LRRTM4: variants seen among roughly 807,000 people sequenced by gnomAD.
LRRTM4 encodes leucine-rich repeat transmembrane neuronal protein 4.
Under a neutral mutation model 47.6 loss-of-function variants are expected in LRRTM4, and 25 were observed. That is an observed-to-expected ratio of 0.53 (90% confidence interval 0.38 to 0.73). LRRTM4 has a LOEUF of 0.73. Ranked by LOEUF, LRRTM4 falls within the 30% of genes least tolerant of loss-of-function variation. The probability of loss-of-function intolerance (pLI) is 0.00; values close to 1 mark genes in which losing one functional copy is unlikely to be tolerated. For synonymous variants in LRRTM4, 311 were observed against 269.5 expected (o/e 1.15, Z -1.51); for missense variants, 638 against 713.4 (o/e 0.89, Z 1.20).
At chr2:76,759,287 T>G (rs938784061) in intron 3 of LRRTM4, among the ~76,000 whole-genome samples, 2 of 152,144 alleles carry the variant, frequency 1.3e-5, no homozygotes, top group Non-Finnish European at 2.9e-5. Flanking sequence ...ACTGCAGATT[T>G]CACTGTGAAG....
chr2:77,453,147 G>A (rs1028618891), intron 3 of LRRTM4, among the ~76,000 whole-genome samples: 1 of 138,086 alleles, frequency 7.2e-6, no homozygotes, highest in Non-Finnish European at 1.6e-5. Flanking sequence ...ATATTCCACT[G>A]TAATTTTGAT....
intron 3 of LRRTM4, among the ~76,000 whole-genome samples, chr2:76,936,177 T>C (rs889315878): frequency 1.3e-5 from 2 of 152,082 alleles, no homozygotes; most frequent in Non-Finnish European, 2.9e-5. Context: ...AGCAAAGACT[T>C]GGAACCAACC....
intron 3 of LRRTM4, among the ~76,000 whole-genome samples, chr2:77,456,930 A>C (rs1253060095): frequency 6.9e-6 from 1 of 145,776 alleles, no homozygotes; most frequent in East Asian, 2.0e-4. Context: ...ATCTATAATA[A>C]ACATAAATAT....
Position 77,357,794 on chromosome 2 carries a change from C to G in LRRTM4, c.1551+160524G>C, listed in dbSNP as rs543019369. Among the ~76,000 whole-genome samples the G allele has an allele frequency of 3.3e-5, 5 of 152,060 alleles. No individual in the cohort carries two copies. The South Asian group carries it at 1.0e-3, about 31-fold the overall frequency. On this transcript the variant is annotated intron_variant, in intron 3 of 3. Transcript: ENST00000409884. ...AGTGTAGCATTAGTGTGCACATACA[C>G]ATATATGCACACACAATGTTTTAAG...
At chr2:77,282,187 T>G (rs903973133) in intron 3 of LRRTM4, among the ~76,000 whole-genome samples, 1 of 151,882 alleles carries the variant, frequency 6.6e-6, no homozygotes, top group East Asian at 1.9e-4. Flanking sequence ...GGATACTTCA[T>G]TTTTTGGTGG....
At chr2:76,910,760 T>C (rs1440506764) in intron 3 of LRRTM4, among the ~76,000 whole-genome samples, 1 of 152,200 alleles carries the variant, frequency 6.6e-6, no homozygotes, top group Non-Finnish European at 1.5e-5. Context: ...TGGTGTGAAA[T>C]GTTAATTGAT....
chr2:77,014,503 C>CATATATATATATATGTGTATAT lies in LRRTM4; in HGVS notation c.1552-265588_1552-265587insATATACACATATATATATATAT, dbSNP rs773267853. On this transcript the variant is annotated intron_variant, in intron 3 of 3. Coordinates refer to ENST00000409884, the MANE Select transcript of LRRTM4 (RefSeq NM_001134745.3). ...TGCAGAAGAAGCATTTGTGCCCTTT[C>CATATATATATATATGTGTATAT]ATATATATATATATAAAGATTTTAT... Among the ~76,000 whole-genome samples the CATATATATATATATGTGTATAT allele has an allele frequency of 7.2e-5, 10 of 139,056 alleles. 1 individual carries two copies. Among genetic ancestry groups the CATATATATATATATGTGTATAT allele is most frequent in the African/African-American group, 2.2e-4 (9 of 40,164 alleles). 91.2% of individuals were successfully genotyped at this position (139,056 alleles called of 152,430 possible).
At chr2:76,926,725 T>G (rs1273150566) in intron 3 of LRRTM4, among the ~76,000 whole-genome samples, 1 of 152,120 alleles carries the variant, frequency 6.6e-6, no homozygotes, top group South Asian at 2.1e-4. Flanking sequence ...GAGATGATAC[T>G]ACCAGATGCC....
chr2:77,442,599 C>A (rs1421989364), intron 3 of LRRTM4, among the ~76,000 whole-genome samples: 1 of 152,150 alleles, frequency 6.6e-6, no homozygotes, highest in Non-Finnish European at 1.5e-5. Context: ...AAGACATAAA[C>A]AAGATCTTAG....
chr2:77,413,030 G>T (rs1674500865), intron 3 of LRRTM4, among the ~76,000 whole-genome samples: 1 of 152,098 alleles, frequency 6.6e-6, no homozygotes, highest in Non-Finnish European at 1.5e-5. Context: ...TTTTGAAGTA[G>T]GAAGGAAAGA....
At chr2:76,945,503 G>A (rs961920926) in intron 3 of LRRTM4, among the ~76,000 whole-genome samples, 3 of 152,024 alleles carry the variant, frequency 2.0e-5, no homozygotes, top group African/African-American at 7.2e-5. Context: ...GAGGATTTAT[G>A]ATGCAATGCA....
intron 3 of LRRTM4, among the ~76,000 whole-genome samples, chr2:77,137,638 T>G (rs1671986760): frequency 6.6e-6 from 1 of 152,044 alleles, no homozygotes; most frequent in Non-Finnish European, 1.5e-5. Context: ...TAACCTTAAA[T>G]GTAAATGGAC....
intron 3 of LRRTM4, among the ~76,000 whole-genome samples, chr2:76,967,330 C>A (rs371922775): frequency 1.3e-5 from 2 of 149,828 alleles, no homozygotes; most frequent in South Asian, 4.2e-4. Context: ...GCTGCACAGT[C>A]ATTATCAGTT....
chr2:76,822,907 A>C (rs540326149), intron 3 of LRRTM4, among the ~76,000 whole-genome samples: 10 of 151,586 alleles, frequency 6.6e-5, no homozygotes, highest in African/African-American at 2.2e-4. Flanking sequence ...TACCCATATA[A>C]AAGTAATAAA....
At chr2:77,226,377 G>T (rs55783580) in intron 3 of LRRTM4, among the ~76,000 whole-genome samples, 7,665 of 151,532 alleles carry the variant, frequency 0.051, 639 homozygotes, top group African/African-American at 0.17. Flanking sequence ...ATAAGAATAG[G>T]TCTATGTTTT....
At chr2:77,314,718 G>C (rs1330319940) in intron 3 of LRRTM4, among the ~76,000 whole-genome samples, 1 of 152,138 alleles carries the variant, frequency 6.6e-6, no homozygotes, top group African/African-American at 2.4e-5. Context: ...ATATACAGAG[G>C]ATCCCCAGCT....
chr2:77,480,822 G>GGAGAGAAAGA (rs1553449524), intron 3 of LRRTM4, among the ~76,000 whole-genome samples: 6 of 74,498 alleles, frequency 8.1e-5, no homozygotes, highest in Admixed American at 1.6e-4. Context: ...GTGTGTGTGT[G>GGAGAGAAAGA]GAGAGAGAGA....
intron 3 of LRRTM4, among the ~76,000 whole-genome samples, chr2:76,944,200 G>T (rs1444265800): frequency 6.6e-6 from 1 of 151,912 alleles, no homozygotes; most frequent in African/African-American, 2.4e-5. Context: ...TTTCTTCTTT[G>T]AACATGCTGT....
At chr2:76,770,957 C>T (rs1673675053) in intron 3 of LRRTM4, among the ~76,000 whole-genome samples, 1 of 152,156 alleles carries the variant, frequency 6.6e-6, no homozygotes, top group Non-Finnish European at 1.5e-5. Flanking sequence ...CCACATGCTC[C>T]TCATTTATAC....
Sources: gnomAD v4.1 joint callset for allele counts (sites outside exome capture counted in the v4.1 genomes callset) on GRCh38, gnomAD v4.1.1 for gene constraint, MANE v1.5 for transcripts, NCBI Gene and HGNC (gene_info 2026-07-23, HGNC 2026-07-21) for gene names.